The following ZFP91 variants were observed in gnomAD, a reference collection of about 807,000 sequenced individuals.
The protein encoded by ZFP91 is ZFP91 zinc finger protein, atypical E3 ubiquitin ligase.
ZFP91 carries 7 observed loss-of-function variants against 63.5 expected under a neutral mutation model. That is an observed-to-expected ratio of 0.11 (90% confidence interval 0.06 to 0.21). The LOEUF is 0.21. Among genes scored for constraint, ZFP91 ranks in the 10% least tolerant of loss-of-function variants. ZFP91 has a pLI of 1.00. For synonymous variants in ZFP91, 330 were observed against 272.1 expected (o/e 1.21, Z -2.10); for missense variants, 628 against 736.6 (o/e 0.85, Z 1.71).
At chr11:58,581,432 C>A (rs1400463570) in intron 1 of ZFP91, among the ~76,000 whole-genome samples, 1 of 152,124 alleles carries the variant, frequency 6.6e-6, no homozygotes, top group Non-Finnish European at 1.5e-5. Context: ...ATGATCTCTG[C>A]ACACTGCAAC....
Position 58,579,224 on chromosome 11 carries a change from G to A in ZFP91, c.-58G>A, listed in dbSNP as rs1855033408. On this transcript the variant is annotated 5_prime_UTR_variant, in exon 1 of 11. Coordinates refer to ENST00000316059, the MANE Select transcript of ZFP91 (RefSeq NM_053023.5). ...GAGGGGGCGGGGGGAGCAGCGCCGA[G>A]GCCGCCGCCTCCGCCTCCGCCGCCT... is the stretch of plus-strand genomic sequence containing the variant. The A allele has an allele frequency of 9.7e-6, 13 of 1,339,878 alleles. No homozygotes were observed. Among genetic ancestry groups the A allele is most frequent in the Non-Finnish European group, 1.2e-5 (13 of 1,045,232 alleles). 83.0% of individuals were successfully genotyped at this position (1,339,878 alleles called of 1,614,324 possible). A position where few individuals can be genotyped will look rare whatever the true frequency, so the allele number is the denominator to read the frequency against.
In ZFP91 at chr11:58,579,334, G is replaced by A. The variant is rs1016542275; in HGVS notation, c.53G>A (p.Gly18Glu). 5.1e-5 allele frequency: 77 copies of A among 1,495,318 alleles called. No homozygotes were observed. The highest frequency in any genetic ancestry group is 6.7e-5 in the Non-Finnish European group (75 of 1,126,884). The allele number at this position is 1,495,318 out of a possible 1,614,324, so 92.6% of individuals were successfully genotyped here. A position where few individuals can be genotyped will look rare whatever the true frequency, so the allele number is the denominator to read the frequency against. Residue 18 changes from glycine (G) to glutamate (E), a missense_variant, in exon 1 of 11, where the codon GGG (glycine) becomes GAG (glutamate). This residue lies in a region of ZFP91 where 437 missense variants were observed against 380.3 expected (regional missense o/e 1.15). Transcript: ENST00000316059. ...PRPPEQQDQEGGEAAKAAPEE... is the reference protein window; with the variant it reads ...PRPPEQQDQEEGEAAKAAPEE... ...CCCCCGGAGCAGCAGGACCAGGAAG[G>A]GGGAGAGGCGGCCAAGGCGGCTCCG...
chr11:58,583,962 T>A (rs1304040065), intron 1 of ZFP91, among the ~76,000 whole-genome samples: 1 of 152,082 alleles, frequency 6.6e-6, no homozygotes, highest in Non-Finnish European at 1.5e-5. Flanking sequence ...TACTCTGTGG[T>A]ATCTATATGA....
Position 58,609,947 on chromosome 11 carries a change from G to C in ZFP91, c.488G>C (p.Arg163Pro), listed in dbSNP as rs200526500. 1 of 1,614,080 alleles carries C rather than the reference G, an allele frequency of 6.2e-7. No homozygotes were observed. Among genetic ancestry groups the C allele is most frequent in the Admixed American group, 1.7e-5 (1 of 60,004 alleles). Residue 163 changes from arginine (R) to proline (P), a missense_variant, in exon 3 of 11, where the codon CGT becomes CCT. Arg to Pro is a moderately radical substitution (Grantham distance 103, BLOSUM62 -2). Transcript: ENST00000316059. ...AGTAGGACATCTGTTTCTCGCCATCGTGATACAGAGAACACCCGAAGCTCT... is the reference window on the plus strand; with the variant it reads ...AGTAGGACATCTGTTTCTCGCCATCCTGATACAGAGAACACCCGAAGCTCT... ...RSSRTSVSRH[R>P]DTENTRSSRS...
At chr11:58,598,516 A>G (rs1036625439) in intron 2 of ZFP91, among the ~76,000 whole-genome samples, 6 of 152,134 alleles carry the variant, frequency 3.9e-5, no homozygotes, top group Admixed American at 2.0e-4. Context: ...AGTGACTAGT[A>G]TGATGTCTTC....
At chr11:58,592,857 A>G (rs1035724855) in intron 2 of ZFP91, among the ~76,000 whole-genome samples, 2 of 152,204 alleles carry the variant, frequency 1.3e-5, no homozygotes, top group Non-Finnish European at 2.9e-5. Flanking sequence ...AGGCTGTACA[A>G]GCATGGCACC....
At chr11:58,579,901 A>G (rs996026278) in intron 1 of ZFP91, among the ~76,000 whole-genome samples, 4 of 151,852 alleles carry the variant, frequency 2.6e-5, no homozygotes, top group African/African-American at 7.3e-5. Context: ...CTCCTCCCTG[A>G]CACCCGCAGG....
At chr11:58,607,513 A>G (rs2134415279) in intron 2 of ZFP91, among the ~76,000 whole-genome samples, 1 of 152,272 alleles carries the variant, frequency 6.6e-6, no homozygotes, top group African/African-American at 2.4e-5. Context: ...GGGTGATGCA[A>G]TAATGAATGG....
chr11:58,579,437 A>G lies in ZFP91; in HGVS notation c.156A>G (p.Gly52=), dbSNP rs1855046768. The G allele has an allele frequency of 7.0e-7, 1 of 1,426,394 alleles. No homozygotes were observed. The highest frequency in any genetic ancestry group is 9.1e-7 in the Non-Finnish European group (1 of 1,097,926). The allele number at this position is 1,426,394 out of a possible 1,614,324, so 88.4% of individuals were successfully genotyped here. Residue 52 remains glycine, a synonymous_variant, in exon 1 of 11, where the codon GGA becomes GGG. Transcript: ENST00000316059. ...CCACTAGCAGCCGCGTGCTGAGGGG[A>G]GGTCGGGACCGAGGCCGGGCCGCTG... ...AGTTSSRVLR[G]GRDRGRAAAA...
intron 2 of ZFP91, among the ~76,000 whole-genome samples, chr11:58,604,454 T>C (rs886449789): frequency 2.6e-5 from 4 of 152,338 alleles, no homozygotes; most frequent in Admixed American, 1.3e-4. Flanking sequence ...TTTGGACTTT[T>C]ATCCTCCAGA....
chr11:58,592,523 G>C (rs183976704), intron 2 of ZFP91, among the ~76,000 whole-genome samples: 7 of 152,108 alleles, frequency 4.6e-5, no homozygotes, highest in African/African-American at 1.7e-4. Context: ...TCTGTCATTC[G>C]TGACAACGTG....
At chr11:58,588,500 C>G (rs778284144) in intron 2 of ZFP91, among the ~76,000 whole-genome samples, 4 of 152,016 alleles carry the variant, frequency 2.6e-5, no homozygotes, top group Non-Finnish European at 5.9e-5. Context: ...TAGCTTATGC[C>G]TCTGTGCTCC....
intron 1 of ZFP91, among the ~76,000 whole-genome samples, chr11:58,581,437 T>C (rs2134385343): frequency 6.6e-6 from 1 of 152,314 alleles, no homozygotes; most frequent in East Asian, 1.9e-4. Context: ...CTCTGCACAC[T>C]GCAACCTCCG....
chr11:58,611,744 T>G lies in ZFP91; in HGVS notation c.857+6T>G. ...GATGAGGAACCTCCAAGGAAGTGAG[T>G]AGGCAATTATTAAAAATGAAAATCT... On this transcript the variant is annotated splice_donor_region_variant and intron_variant, in intron 6 of 10. Transcript: ENST00000316059. The G allele has an allele frequency of 2.8e-5, 44 of 1,586,032 alleles. No homozygotes were observed. Among genetic ancestry groups the G allele is most frequent in the Non-Finnish European group, 3.8e-5 (44 of 1,168,296 alleles).
chr11:58,596,289 A>G (rs1043840847), intron 2 of ZFP91, among the ~76,000 whole-genome samples: 8 of 152,180 alleles, frequency 5.3e-5, no homozygotes, highest in African/African-American at 1.7e-4. Context: ...CTCTTATCTC[A>G]GGGGGTGACA....
At chr11:58,599,371 C>A (rs542582868) in intron 2 of ZFP91, among the ~76,000 whole-genome samples, 1 of 152,142 alleles carries the variant, frequency 6.6e-6, no homozygotes, top group African/African-American at 2.4e-5. Flanking sequence ...CTAAGTTTTT[C>A]TTAACATTTT....
chr11:58,614,384 T>C, intron 9 of ZFP91, 41 bp downstream of exon 9: 1 of 1,412,850 alleles, frequency 7.1e-7, no homozygotes, highest in Non-Finnish European at 9.8e-7. Flanking sequence ...AATTGCACTG[T>C]GCTTTAGTTT....
intron 2 of ZFP91, among the ~76,000 whole-genome samples, chr11:58,593,372 TTCTCTGC>T (rs1269384279): frequency 2.6e-5 from 4 of 152,208 alleles, no homozygotes; most frequent in Non-Finnish European, 5.9e-5. Context: ...ACAAATATTT[TTCTCTGC>T]TCTTTCCTTT....
Position 58,611,807 on chromosome 11 carries a change from G to GT in ZFP91, c.857+70dup, listed in dbSNP as rs796646953. 62 of 1,523,920 alleles carry GT rather than the reference G, an allele frequency of 4.1e-5. No individual in the cohort carries two copies. The South Asian group carries it at 6.2e-4, about 15-fold the overall frequency. The allele number at this position is 1,523,920 out of a possible 1,614,324, so 94.4% of individuals were successfully genotyped here. On this transcript the variant is annotated intron_variant, in intron 6 of 10. Coordinates refer to ENST00000316059, the MANE Select transcript of ZFP91 (RefSeq NM_053023.5). ...ACGACTAGTGGAAAAAAGAGTGGGA[G>GT]TGTGAGGAAGGATGTTGACGTATAC...
Sources: allele counts gnomAD v4.1 joint callset (sites outside exome capture counted in the v4.1 genomes callset), GRCh38; gene constraint gnomAD v4.1.1; regional missense constraint gnomAD v4.1.1; transcripts MANE v1.5; gene names NCBI Gene and HGNC (gene_info 2026-07-23, HGNC 2026-07-21).